Variants in PCDHA5 observed in about 807,000 individuals in gnomAD.
PCDHA5 encodes protocadherin alpha 5, also known as protocadherin alpha-5.
Under a neutral mutation model 61.6 loss-of-function variants are expected in PCDHA5, and 43 were observed. The observed-to-expected ratio is 0.70, with a 90% CI of 0.55 to 0.90. The LOEUF is 0.90. Ranked by LOEUF, PCDHA5 falls within the 40% of genes least tolerant of loss-of-function variation. The probability of loss-of-function intolerance (pLI) is 0.00; values close to 1 mark genes in which losing one functional copy is unlikely to be tolerated. For synonymous variants in PCDHA5, 627 were observed against 543.9 expected, an observed-to-expected ratio of 1.15 and a Z score of -2.13; for missense variants, 1,298 against 1,222.7, an observed-to-expected ratio of 1.06 and a Z score of -0.92.
chr5:140,871,171 G>GCTGC (rs782249857), intron 1 of PCDHA5: 2 of 1,613,534 alleles, frequency 1.2e-6, no homozygotes, highest in Non-Finnish European at 1.7e-6. Flanking sequence ...GAGCCCAGAG[G>GCTGC]CTGCGCTGGT....
At chr5:140,971,038 A>G (rs948457676) in intron 1 of PCDHA5, among the ~76,000 whole-genome samples, 4 of 152,216 alleles carry the variant, frequency 2.6e-5, no homozygotes, top group Non-Finnish European at 5.9e-5. Context: ...GAAAGCACGT[A>G]AAAGGGTTTA....
In PCDHA5 at chr5:140,823,211, G is replaced by A. The variant is rs2150123519; in HGVS notation, c.1436G>A (p.Arg479Gln). The A allele has an allele frequency of 1.9e-5, 30 of 1,613,796 alleles. 2 individuals carry two copies. The South Asian group carries it at 2.7e-4, about 15-fold the overall frequency. ...TGCCACATCTTCACGGTGTCTGCAC[G>A]GGACGCGGACGCGCAGGAGAACGCC... ...PGCHIFTVSA[R>Q]DADAQENALV... The change falls in exon 1 of 4, where the codon CGG becomes CAG. Residue 479 changes from arginine to glutamine, a missense_variant. Arg to Gln is a conservative substitution (Grantham distance 43). Transcript: ENST00000529859.
chr5:140,869,788 T>A (rs782425741), intron 1 of PCDHA5: 1 of 1,612,892 alleles, frequency 6.2e-7, no homozygotes, highest in East Asian at 2.2e-5. Flanking sequence ...CGTTCGGCTG[T>A]TAGTCCAAGT....
rs797023184 is a variant in PCDHA5 at position 140,941,202 on chromosome 5, CCTTT to C, written c.2353-37739_2353-37736del. The stretch of plus-strand genomic sequence containing the variant: ...TCCTGCTTCTTTTTTTTTCTTTCTT[CCTTT>C]CTTTCTTCCTTTCTTTCTTTCTTTC... On this transcript the variant is annotated intron_variant, in intron 1 of 3. Transcript: ENST00000529859. Among the ~76,000 whole-genome samples, 914 of 122,710 alleles carry C rather than the reference CCTTT, an allele frequency of 7.4e-3. 14 individuals are homozygous for C. The highest frequency in any genetic ancestry group is 0.013 in the African/African-American group (444 of 33,832). The allele number at this position is 122,710 out of a possible 152,430, so 80.5% of individuals were successfully genotyped here. A position where few individuals can be genotyped will look rare whatever the true frequency, so the allele number is the denominator to read the frequency against.
intron 1 of PCDHA5, among the ~76,000 whole-genome samples, chr5:140,953,706 G>A (rs1464812227): frequency 1.3e-5 from 2 of 152,144 alleles, no homozygotes; most frequent in Non-Finnish European, 1.5e-5. Context: ...ACTAGACTGA[G>A]CTTCAGACAT....
intron 1 of PCDHA5, among the ~76,000 whole-genome samples, chr5:140,891,205 A>G (rs561238636): frequency 3.3e-5 from 5 of 152,120 alleles, no homozygotes; most frequent in African/African-American, 1.2e-4. Context: ...CAGTTTTACC[A>G]TGCTGTGTCT....
intron 1 of PCDHA5, among the ~76,000 whole-genome samples, chr5:140,894,895 A>G (rs557164845): frequency 6.6e-6 from 1 of 152,316 alleles, no homozygotes; most frequent in South Asian, 2.1e-4. Context: ...AGACCAGGAT[A>G]ATTTTCCTAT....
rs1562269864 is a variant in PCDHA5, at chr5:140,823,188, C to A, written c.1413C>A (p.Cys471Ter). 3 of 1,613,784 alleles carry A rather than the reference C, an allele frequency of 1.9e-6. No individual in the cohort carries two copies. The highest frequency in any genetic ancestry group is 2.5e-6 in the Non-Finnish European group (3 of 1,179,870). Residue 471 changes from cysteine (C) to a stop codon, truncating the protein, a stop_gained, in exon 1 of 4, where the codon TGC (cysteine) becomes TGA (stop). Coordinates refer to ENST00000529859, the MANE Select transcript of PCDHA5 (RefSeq NM_018908.3). LOFTEE classifies it high-confidence loss of function. ...VFVKENNPPG[C>*]HIFTVSARDA... ...TGAAGGAGAACAACCCGCCAGGCTG[C>A]CACATCTTCACGGTGTCTGCACGGG...
intron 1 of PCDHA5, chr5:140,871,112 A>C (rs1554165130): frequency 1.2e-6 from 2 of 1,613,172 alleles, no homozygotes; most frequent in Non-Finnish European, 1.7e-6. Context: ...TCGTTGGTGG[A>C]GAGCGGACAG....
rs781876036 is a variant in PCDHA5 at position 140,857,534 on chromosome 5, C to T, written c.2352+33407C>T. The T allele has an allele frequency of 1.3e-5, 20 of 1,597,344 alleles. 2 individuals are homozygous for T. The highest frequency in any genetic ancestry group is 1.5e-5 in the Non-Finnish European group (18 of 1,167,750). On this transcript the variant is annotated intron_variant, in intron 1 of 3. Transcript: ENST00000529859. ...CCTGGTGTCCTACTCTCTGGTGGAG[C>T]GGCGGTTGGGCGAGCGCTCGCTGTC...
intron 1 of PCDHA5, among the ~76,000 whole-genome samples, chr5:140,833,457 A>AAGAAATTTAT (rs1374250716): frequency 2.0e-5 from 3 of 152,216 alleles, no homozygotes; most frequent in Non-Finnish European, 4.4e-5. Context: ...AATAAAATAA[A>AAGAAATTTAT]CTTACATTTT....
In PCDHA5 at chr5:140,839,005, A is replaced by G. The variant is rs182308106; in HGVS notation, c.2352+14878A>G. On this transcript the variant is annotated intron_variant, in intron 1 of 3. Transcript: ENST00000529859. ...TGTTCCTAATATTCTAATATACTTT[A>G]GTAAATTATTTTAGGATATGTTACT... Among the ~76,000 whole-genome samples, 398 of 152,230 alleles carry G rather than the reference A, an allele frequency of 2.6e-3. 4 individuals are homozygous for G. The highest frequency in any genetic ancestry group is 9.1e-3 in the African/African-American group (377 of 41,530).
rs781982422 is a variant in PCDHA5 at position 140,871,325 on chromosome 5, C to T, written c.2352+47198C>T. 4 of 1,613,988 alleles carry T rather than the reference C, an allele frequency of 2.5e-6. No individual in the cohort carries two copies. Among genetic ancestry groups the T allele is most frequent in the Non-Finnish European group, 3.4e-6 (4 of 1,180,038 alleles). On this transcript the variant is annotated intron_variant, in intron 1 of 3. Coordinates refer to ENST00000529859, the MANE Select transcript of PCDHA5 (RefSeq NM_018908.3). ...CCGGGGAAGCCCACGCTGGTGTGCTCCCGCGCGGTGGGGAGCTGGTCATAC... is the reference window on the plus strand; with the variant it reads ...CCGGGGAAGCCCACGCTGGTGTGCTTCCGCGCGGTGGGGAGCTGGTCATAC...
At position 140,821,650 on chromosome 5, in the gene PCDHA5, T is replaced by G; in HGVS notation, c.-126T>G. 9.2e-7 allele frequency: 1 copy of G among 1,090,350 alleles called. No homozygotes were observed. Among genetic ancestry groups the G allele is most frequent in the Non-Finnish European group, 1.3e-6 (1 of 767,286 alleles). 67.5% of individuals were successfully genotyped at this position (1,090,350 alleles called of 1,614,324 possible). On this transcript the variant is annotated 5_prime_UTR_variant, in exon 1 of 4. It adds an upstream start codon to the 5' untranslated region. Coordinates refer to ENST00000529859, the MANE Select transcript of PCDHA5 (RefSeq NM_018908.3). ...GACAGAAAGGAAAAGAACCTTCCAT[T>G]TTTGGCTGTGCCAAGAAGCTCAGAA...
chr5:140,928,989 A>T (rs1554206541), intron 1 of PCDHA5: 1 of 1,613,824 alleles, frequency 6.2e-7, no homozygotes, highest in Non-Finnish European at 8.5e-7. Context: ...TGGGGTGCTT[A>T]CTTTTCTTCG....
intron 1 of PCDHA5, chr5:140,875,854 G>T: frequency 1.2e-6 from 2 of 1,614,160 alleles, no homozygotes; most frequent in East Asian, 4.5e-5. Flanking sequence ...GGACATTAAC[G>T]ACAACCCGCC....
intron 1 of PCDHA5, chr5:140,929,903 C>T (rs11747154): frequency 0.12 from 17,815 of 152,352 alleles, 1,161 homozygotes; most frequent in Middle Eastern, 0.19. Context: ...ATCTTTAATA[C>T]GATATACCAT....
Position 140,912,120 on chromosome 5 carries a change from G to A in PCDHA5, c.2353-66829G>A, listed in dbSNP as rs371645551. On this transcript the variant is annotated intron_variant, in intron 1 of 3. Transcript: ENST00000529859. ...AGAAAGATGTAGGCTGGGAGGCTAA[G>A]TCAGTCTAATCTCTCCATGTTCTTC... Among the ~76,000 whole-genome samples the A allele has an allele frequency of 1.7e-4, 26 of 152,328 alleles. 3 individuals are homozygous for A. In the East Asian group the frequency reaches 1.9e-3, roughly 11 times the overall value.
chr5:140,927,493 C>G, intron 1 of PCDHA5: 1 of 1,614,144 alleles, frequency 6.2e-7, no homozygotes. Flanking sequence ...CACCCACCTG[C>G]TGGTGCTTAC....
Sources: gnomAD v4.1 joint callset for allele counts (sites outside exome capture counted in the v4.1 genomes callset) on GRCh38, gnomAD v4.1.1 for gene constraint, MANE v1.5 for transcripts, NCBI Gene and HGNC (gene_info 2026-07-23, HGNC 2026-07-21) for gene names.